HECTD2: variants seen among roughly 807,000 people sequenced by gnomAD.
The protein encoded by HECTD2 is HECT domain E3 ubiquitin protein ligase 2.
Under a neutral mutation model 103.2 loss-of-function variants are expected in HECTD2, and 35 were observed. The observed-to-expected ratio is 0.34, with a 90% confidence interval of 0.26 to 0.45. The LOEUF (loss-of-function observed/expected upper bound fraction) is 0.45, where lower values mean the gene tolerates loss of function less well. HECTD2 is among the 20% of genes least tolerant of loss of function. HECTD2 has a pLI of 1.00. For missense variants in HECTD2, 596 were observed against 937.4 expected (o/e 0.64, Z 4.76); for synonymous variants, 281 against 329.9 (o/e 0.85, Z 1.61).
intron 5 of HECTD2, among the ~76,000 whole-genome samples, chr10:91,468,778 T>G (rs1381952508): frequency 3.3e-5 from 5 of 151,868 alleles, no homozygotes; most frequent in Admixed American, 2.6e-4. Flanking sequence ...AAAAAAAAAT[T>G]TTTTTAAGTT....
chr10:91,497,793 T>C (rs1169783087), intron 15 of HECTD2, among the ~76,000 whole-genome samples: 4 of 152,156 alleles, frequency 2.6e-5, no homozygotes, highest in African/African-American at 9.7e-5. Context: ...ATACTACAAA[T>C]TCATAAACAG....
At chr10:91,438,481 T>C (rs1286768633) in intron 2 of HECTD2, among the ~76,000 whole-genome samples, 2 of 152,226 alleles carry the variant, frequency 1.3e-5, no homozygotes, top group Non-Finnish European at 2.9e-5. Flanking sequence ...CAGTCCATCA[T>C]TGATGGGCAT....
chr10:91,466,036 A>G (rs1279042826), intron 5 of HECTD2, among the ~76,000 whole-genome samples: 1 of 152,190 alleles, frequency 6.6e-6, no homozygotes, highest in Non-Finnish European at 1.5e-5. Flanking sequence ...TATTTGGTAG[A>G]GTTTACCATT....
At chr10:91,450,066 G>C (rs1362644617) in intron 2 of HECTD2, among the ~76,000 whole-genome samples, 1 of 152,124 alleles carries the variant, frequency 6.6e-6, no homozygotes, top group Non-Finnish European at 1.5e-5. Flanking sequence ...AGCCCATATA[G>C]TCAAGACAAT....
At chr10:91,504,217 C>T (rs1374455509) in intron 20 of HECTD2, among the ~76,000 whole-genome samples, 6 of 152,112 alleles carry the variant, frequency 3.9e-5, no homozygotes, top group Non-Finnish European at 2.9e-5. Flanking sequence ...AAAATCAGAG[C>T]GCCTCTCCTC....
intron 1 of HECTD2, among the ~76,000 whole-genome samples, chr10:91,420,051 C>T (rs951634993): frequency 4.6e-5 from 7 of 152,028 alleles, no homozygotes; most frequent in African/African-American, 1.2e-4. Context: ...AAATGATGCC[C>T]GTTTTTTTTC....
At chr10:91,491,351 TATA>T (rs1846471890) in intron 12 of HECTD2, 44 bp downstream of exon 12, 1 of 866,050 alleles carries the variant, frequency 1.2e-6, no homozygotes, top group African/African-American at 1.8e-5. Flanking sequence ...CTTAAAATTC[TATA>T]ATATGATTAT....
intron 6 of HECTD2, among the ~76,000 whole-genome samples, chr10:91,480,196 T>A (rs1030967450): frequency 2.6e-5 from 4 of 152,072 alleles, no homozygotes; most frequent in Non-Finnish European, 5.9e-5. Flanking sequence ...AAAAAAATTC[T>A]AAGAAATCAA....
Position 91,493,438 on chromosome 10 carries a change from A to G in HECTD2, c.1451A>G (p.Lys484Arg). 3 of 1,539,982 alleles carry G rather than the reference A, an allele frequency of 1.9e-6. No individual in the cohort carries two copies. Among genetic ancestry groups the G allele is most frequent in the East Asian group, 2.4e-5 (1 of 40,922 alleles). ...HPDYGMFTYH[K>R]DSHCHWFSSF... ...TTTTTAGGCATGTTTACATATCACA[A>G]GGATTCACACTGCCATTGGTTTAGC... The change falls in exon 14 of 21, where the codon AAG (lysine) becomes AGG (arginine). Residue 484 changes from lysine (K) to arginine (R), a missense_variant. By Grantham distance (26) the Lys-to-Arg change is conservative (BLOSUM62 2). This residue lies in a region of HECTD2 where 303 missense variants were observed against 522.5 expected (regional missense o/e 0.58). Coordinates refer to ENST00000298068, the MANE Select transcript of HECTD2 (RefSeq NM_182765.6).
chr10:91,433,853 C>T (rs1387646155), intron 2 of HECTD2, among the ~76,000 whole-genome samples: 1 of 151,906 alleles, frequency 6.6e-6, no homozygotes, highest in Non-Finnish European at 1.5e-5. Flanking sequence ...ATGGGAGGCA[C>T]TTTTTCTGGG....
chr10:91,427,926 G>A (rs1237970085), intron 2 of HECTD2, among the ~76,000 whole-genome samples: 1 of 151,734 alleles, frequency 6.6e-6, no homozygotes, highest in African/African-American at 2.4e-5. Context: ...ATTGCTTTTG[G>A]TGTTTTAGAC....
At chr10:91,444,918 T>C (rs1422757408) in intron 2 of HECTD2, among the ~76,000 whole-genome samples, 5 of 152,214 alleles carry the variant, frequency 3.3e-5, no homozygotes, top group African/African-American at 1.2e-4. Flanking sequence ...TAAGCAGTAA[T>C]CGTTTTCCCT....
chr10:91,428,439 T>G (rs1843674471), intron 2 of HECTD2, among the ~76,000 whole-genome samples: 2 of 151,994 alleles, frequency 1.3e-5, no homozygotes, highest in Non-Finnish European at 2.9e-5. Flanking sequence ...TTGATGGTGA[T>G]GGCATTGAAT....
In HECTD2 at chr10:91,410,429, C is replaced by T. The variant is rs915951832; in HGVS notation, c.-10C>T. ...CGCCGCCGCCTGGCGCTCCCGCCGC[C>T]CGGCCCGACATGAGTGAGGCGGTTC... On this transcript the variant is annotated 5_prime_UTR_variant, in exon 1 of 21. Coordinates refer to ENST00000298068, the MANE Select transcript of HECTD2 (RefSeq NM_182765.6). 2.9e-6 allele frequency: 4 copies of T among 1,389,786 alleles called. No individual in the cohort carries two copies. Among genetic ancestry groups the T allele is most frequent in the Non-Finnish European group, 3.7e-6 (4 of 1,074,646 alleles). The allele number at this position is 1,389,786 out of a possible 1,614,324, so 86.1% of individuals were successfully genotyped here. A position where few individuals can be genotyped will look rare whatever the true frequency, so the allele number is the denominator to read the frequency against.
Position 91,461,230 on chromosome 10 carries a change from A to G in HECTD2, c.408-24A>G, listed in dbSNP as rs200125717. 388 of 1,035,144 alleles carry G rather than the reference A, an allele frequency of 3.7e-4. 4 individuals are homozygous for G. The African/African-American group carries it at 5.0e-3, about 13-fold the overall frequency. 64.1% of individuals were successfully genotyped at this position (1,035,144 alleles called of 1,614,324 possible). A position where few individuals can be genotyped will look rare whatever the true frequency, so the allele number is the denominator to read the frequency against. ...CTGAATAATATTTCTATATGTATAT[A>G]CGGTTAATGTGTTTTCATTTTAGGG... On this transcript the variant is annotated intron_variant, in intron 3 of 20. Transcript: ENST00000298068.
At chr10:91,419,002 A>T (rs572767568) in intron 1 of HECTD2, among the ~76,000 whole-genome samples, 37 of 152,290 alleles carry the variant, frequency 2.4e-4, no homozygotes, top group African/African-American at 8.9e-4. Context: ...TTATAGACAT[A>T]GACGTTCAAT....
At chr10:91,469,922 T>C (rs556945388) in intron 5 of HECTD2, among the ~76,000 whole-genome samples, 2 of 152,180 alleles carry the variant, frequency 1.3e-5, no homozygotes, top group Non-Finnish European at 2.9e-5. Flanking sequence ...GGGATTGTTA[T>C]TGCAACTTCA....
chr10:91,434,061 T>C (rs961671003), intron 2 of HECTD2, among the ~76,000 whole-genome samples: 1 of 152,014 alleles, frequency 6.6e-6, no homozygotes, highest in Non-Finnish European at 1.5e-5. Context: ...ACACACATCA[T>C]TGAACTTAGT....
intron 11 of HECTD2, 101 bp from the exon 12 acceptor site, chr10:91,491,099 G>A: frequency 1.7e-6 from 1 of 572,810 alleles, no homozygotes; most frequent in South Asian, 2.1e-5. Flanking sequence ...TATAAGAAAT[G>A]GCATAGATAA....
Sources: gnomAD v4.1 joint callset for allele counts (sites outside exome capture counted in the v4.1 genomes callset) on GRCh38, gnomAD v4.1.1 for gene constraint, gnomAD v4.1.1 regional missense constraint, MANE v1.5 for transcripts, NCBI Gene and HGNC (gene_info 2026-07-23, HGNC 2026-07-21) for gene names.